The following MCCC1 variants were observed in gnomAD, a reference collection of about 807,000 sequenced individuals.
The protein encoded by MCCC1 is methylcrotonoyl-CoA carboxylase subunit alpha, mitochondrial.
MCCC1 carries 64 observed loss-of-function variants against 83.8 expected under a neutral mutation model. The observed-to-expected ratio is 0.76, with a 90% confidence interval of 0.62 to 0.94. The LOEUF (loss-of-function observed/expected upper bound fraction) is 0.94. Ranked by LOEUF, MCCC1 falls within the 40% of genes least tolerant of loss-of-function variation. MCCC1 has a pLI of 0.00. For synonymous variants in MCCC1, 322 were observed against 315.4 expected (o/e 1.02, Z -0.22); for missense variants, 807 against 904.7 (o/e 0.89, Z 1.39).
At chr3:183,038,428 G>T (rs774109626) in intron 12 of MCCC1, among the ~76,000 whole-genome samples, 3 of 152,056 alleles carry the variant, frequency 2.0e-5, no homozygotes, top group Non-Finnish European at 4.4e-5. Context: ...AGTGTGGTTG[G>T]AGCCACAGAG....
chr3:183,029,867 TTCTCA>T (rs1712906495), intron 14 of MCCC1, among the ~76,000 whole-genome samples: 1 of 152,158 alleles, frequency 6.6e-6, no homozygotes, highest in African/African-American at 2.4e-5. Flanking sequence ...GTCTTCCTGC[TTCTCA>T]TCTCAATAGT....
At chr3:183,022,318 C>A (rs1712223168) in intron 16 of MCCC1, 99 bp downstream of exon 16, 1 of 1,444,954 alleles carries the variant, frequency 6.9e-7, no homozygotes, top group East Asian at 2.3e-5. Context: ...GCAGTGGTCA[C>A]AGGAAGCTGG....
intron 4 of MCCC1, among the ~76,000 whole-genome samples, chr3:183,074,945 A>G (rs1716956364): frequency 6.6e-6 from 1 of 152,006 alleles, no homozygotes; most frequent in South Asian, 2.1e-4. Flanking sequence ...TTCAGCTCCC[A>G]CTTCTAAGTG....
intron 4 of MCCC1, among the ~76,000 whole-genome samples, chr3:183,078,039 A>G (rs952909084): frequency 6.6e-6 from 1 of 152,180 alleles, no homozygotes; most frequent in Non-Finnish European, 1.5e-5. Context: ...ATATATTTTG[A>G]GACAGAGCCT....
chr3:183,082,395 C>A (rs1410491081), intron 4 of MCCC1, among the ~76,000 whole-genome samples: 1 of 152,158 alleles, frequency 6.6e-6, no homozygotes, highest in Non-Finnish European at 1.5e-5. Flanking sequence ...CTTCAGATAA[C>A]TGAGGGGACT....
chr3:183,106,070 C>T (rs1223909338), intron 1 of MCCC1, among the ~76,000 whole-genome samples: 2 of 54,324 alleles, frequency 3.7e-5, no homozygotes, highest in Admixed American at 1.9e-4. Context: ...GCCTGAGCAA[C>T]AGAGAGTCCG....
intron 2 of MCCC1, among the ~76,000 whole-genome samples, chr3:183,093,006 G>A (rs1560281895): frequency 6.6e-6 from 1 of 152,076 alleles, no homozygotes; most frequent in African/African-American, 2.4e-5. Context: ...CAATTCTACT[G>A]CTTCAGCCTC....
At chr3:183,110,133 T>C (rs1719469809) in intron 1 of MCCC1, among the ~76,000 whole-genome samples, 1 of 152,218 alleles carries the variant, frequency 6.6e-6, no homozygotes, top group South Asian at 2.1e-4. Context: ...TCCCTATAGA[T>C]TCTGGGTATT....
chr3:183,097,469 TACGG>T (rs1718826727), intron 1 of MCCC1, among the ~76,000 whole-genome samples: 1 of 152,250 alleles, frequency 6.6e-6, no homozygotes, highest in African/African-American at 2.4e-5. Flanking sequence ...CATGGCTCAC[TACGG>T]CCTGGAACCC....
At chr3:183,054,475 C>T (rs1381487340) in intron 8 of MCCC1, among the ~76,000 whole-genome samples, 1 of 152,154 alleles carries the variant, frequency 6.6e-6, no homozygotes, top group Admixed American at 6.5e-5. Context: ...GCGTGAGCCA[C>T]CGCGCCCGGC....
intron 7 of MCCC1, among the ~76,000 whole-genome samples, chr3:183,069,233 T>C (rs910294840): frequency 2.6e-5 from 4 of 152,168 alleles, no homozygotes; most frequent in South Asian, 2.1e-4. Flanking sequence ...TTTCCAGCTA[T>C]TGGGGGAATA....
intron 3 of MCCC1, among the ~76,000 whole-genome samples, chr3:183,091,347 C>T (rs1372039446): frequency 6.6e-6 from 1 of 152,096 alleles, no homozygotes; most frequent in Non-Finnish European, 1.5e-5. Context: ...GTGGGTGGAT[C>T]ACTTGAGGCC....
chr3:183,091,573 AAAAACAAAAC>A (rs540422401), intron 3 of MCCC1, among the ~76,000 whole-genome samples: 91 of 151,972 alleles, frequency 6.0e-4, no homozygotes, highest in African/African-American at 2.0e-3. Context: ...TGTCAAAAAC[AAAAACAAAAC>A]AAAACAAAAC....
At chr3:183,091,809 T>C (rs537707831) in intron 3 of MCCC1, among the ~76,000 whole-genome samples, 222 of 152,086 alleles carry the variant, frequency 1.5e-3, no homozygotes, top group Non-Finnish European at 2.8e-3. Context: ...GAGGCCAAGG[T>C]GGGCGGATCA....
In MCCC1 at chr3:183,034,070, G is replaced by A; in HGVS notation, c.1602C>T (p.Phe534=). Reference sequence around the variant, plus strand: ...TTCCACTGCTAGACGAAAATGGAGAGAATTGATCTAGAAAAAATTTAAAAT... The same window carrying A: ...TTCCACTGCTAGACGAAAATGGAGAAAATTGATCTAGAAAAAATTTAAAAT... ...DTFTLQAHDQ[F]SPFSSSSGRR... Residue 534 remains phenylalanine, a synonymous_variant, in exon 14 of 19, where the codon TTC becomes TTT. Transcript: ENST00000265594. The A allele has an allele frequency of 6.2e-7, 1 of 1,606,740 alleles. No individual in the cohort carries two copies. The highest frequency in any genetic ancestry group is 1.3e-5 in the African/African-American group (1 of 74,744).
At chr3:183,107,534 T>TTA (rs1338239047) in intron 1 of MCCC1, among the ~76,000 whole-genome samples, 32 of 151,206 alleles carry the variant, frequency 2.1e-4, no homozygotes, top group African/African-American at 5.8e-4. Context: ...ATTATTATTA[T>TTA]TTGTTGTTGT....
At chr3:183,048,717 CAT>C (rs1283473981) in intron 9 of MCCC1, among the ~76,000 whole-genome samples, 3 of 152,304 alleles carry the variant, frequency 2.0e-5, no homozygotes, top group Admixed American at 6.5e-5. Context: ...TCACTAAGGA[CAT>C]AGTTGAATTC....
chr3:183,034,318 A>G (rs1474745847), intron 13 of MCCC1, among the ~76,000 whole-genome samples: 4 of 151,880 alleles, frequency 2.6e-5, no homozygotes, highest in Non-Finnish European at 2.9e-5. Context: ...GGGCATGGTG[A>G]CGGGCGCCTC....
rs564647301 is a variant in MCCC1, at chr3:183,080,508, C to A, written c.369+6185G>T. On this transcript the variant is annotated intron_variant, in intron 4 of 18. Coordinates refer to ENST00000265594, the MANE Select transcript of MCCC1 (RefSeq NM_020166.5). Reference sequence around the variant, plus strand: ...AGCCTGGACTTCACTGTCCACATTACTATCAGCATTTTGGGCAAAGCCATT... The same window carrying A: ...AGCCTGGACTTCACTGTCCACATTAATATCAGCATTTTGGGCAAAGCCATT... Among the ~76,000 whole-genome samples, 20 of 152,342 alleles carry A rather than the reference C, an allele frequency of 1.3e-4. No homozygotes were observed. In the Middle Eastern group the frequency reaches 0.01, roughly 78 times the overall value.
Sources: gnomAD v4.1 joint callset for allele counts (sites outside exome capture counted in the v4.1 genomes callset) on GRCh38, gnomAD v4.1.1 for gene constraint, MANE v1.5 for transcripts, NCBI Gene and HGNC (gene_info 2026-07-23, HGNC 2026-07-21) for gene names.